TET1: variants seen among roughly 807,000 people sequenced by gnomAD.
TET1 encodes the protein methylcytosine dioxygenase TET1.
TET1 carries 13 observed loss-of-function variants against 148.7 expected under a neutral mutation model. The observed-to-expected ratio is 0.09, with a 90% CI of 0.06 to 0.14. TET1 has a LOEUF of 0.14. TET1 is among the 10% of genes least tolerant of loss of function. The probability of loss-of-function intolerance (pLI) is 1.00; values close to 1 mark genes in which losing one functional copy is unlikely to be tolerated. For synonymous variants in TET1, 907 were observed against 937.2 expected, an observed-to-expected ratio of 0.97 and a Z score of 0.59; for missense variants, 2,182 against 2,553.8, an observed-to-expected ratio of 0.85 and a Z score of 3.14.
chr10:68,659,884 T>C (rs2055080820), intron 6 of TET1, among the ~76,000 whole-genome samples: 1 of 152,192 alleles, frequency 6.6e-6, no homozygotes, highest in African/African-American at 2.4e-5. Context: ...GTGAACTCAG[T>C]CATTAATCCC....
intron 3 of TET1, among the ~76,000 whole-genome samples, chr10:68,605,835 A>G (rs1165938043): frequency 6.6e-6 from 1 of 152,164 alleles, no homozygotes; most frequent in African/African-American, 2.4e-5. Context: ...TTTTATATAT[A>G]CTAGACCAGT....
At chr10:68,588,494 A>T (rs1349214102) in intron 2 of TET1, among the ~76,000 whole-genome samples, 1 of 152,144 alleles carries the variant, frequency 6.6e-6, no homozygotes, top group Non-Finnish European at 1.5e-5. Flanking sequence ...CATTTTAGTC[A>T]CCATATCTCT....
At position 68,686,537 on chromosome 10, in the gene TET1, C is replaced by T. The variant is rs144991411; in HGVS notation, c.5234C>T (p.Thr1745Met). The change falls in exon 11 of 12, where the codon ACG becomes ATG. Residue 1745 changes from threonine (T) to methionine (M), a missense_variant. By Grantham distance (81) the Thr-to-Met change is moderately conservative. Around this residue, in one of 11 missense-constraint regions of TET1, gnomAD observed 380 missense variants for 387.9 expected, o/e 0.98. Transcript: ENST00000373644. Reference sequence around the variant, plus strand: ...CTGGCACCCCGCCGCAAAAAAAGAACGTGTTTCACTCAGCCTGTTCCCCGT... The same window carrying T: ...CTGGCACCCCGCCGCAAAAAAAGAATGTGTTTCACTCAGCCTGTTCCCCGT... ...EVLAPRRKKR[T>M]CFTQPVPRSG... The T allele has an allele frequency of 2.1e-5, 34 of 1,614,126 alleles. No individual in the cohort carries two copies. The highest frequency in any genetic ancestry group is 1.9e-4 in the African/African-American group (14 of 75,026).
chr10:68,581,285 T>A (rs552099865), intron 2 of TET1, among the ~76,000 whole-genome samples: 2 of 152,320 alleles, frequency 1.3e-5, no homozygotes, highest in Admixed American at 6.5e-5. Context: ...TTACAGATAA[T>A]TAAAACTGCT....
chr10:68,667,840 C>A (rs1340324042), intron 7 of TET1, among the ~76,000 whole-genome samples: 2 of 152,016 alleles, frequency 1.3e-5, no homozygotes, highest in African/African-American at 2.4e-5. Context: ...CTTCTAGAGT[C>A]TGGAGGAAAG....
At chr10:68,588,977 G>C (rs1290732962) in intron 2 of TET1, among the ~76,000 whole-genome samples, 1 of 152,012 alleles carries the variant, frequency 6.6e-6, no homozygotes, top group Non-Finnish European at 1.5e-5. Context: ...GCAGGAATTA[G>C]CTGGGCATGG....
At chr10:68,617,538 T>G (rs560017116) in intron 3 of TET1, among the ~76,000 whole-genome samples, 23 of 152,184 alleles carry the variant, frequency 1.5e-4, no homozygotes, top group South Asian at 1.5e-3. Flanking sequence ...TCTTTGTTTT[T>G]TTTGTTTGTT....
At chr10:68,621,030 C>G (rs981536106) in intron 3 of TET1, among the ~76,000 whole-genome samples, 1 of 152,318 alleles carries the variant, frequency 6.6e-6, no homozygotes, top group East Asian at 1.9e-4. Flanking sequence ...GTCCTACACA[C>G]AAGTCCTTTA....
intron 3 of TET1, among the ~76,000 whole-genome samples, chr10:68,613,315 T>C (rs554170785): frequency 2.4e-4 from 36 of 151,984 alleles, no homozygotes; most frequent in Non-Finnish European, 3.2e-4. Flanking sequence ...ACTTGTTCCA[T>C]TTTGTAAAAA....
chr10:68,643,005 C>A (rs2054781758), intron 3 of TET1, among the ~76,000 whole-genome samples: 1 of 151,856 alleles, frequency 6.6e-6, no homozygotes, highest in African/African-American at 2.4e-5. Context: ...TGTCTGTAAC[C>A]CCAGTACTTT....
At chr10:68,625,472 CG>C (rs2054464495) in intron 3 of TET1, among the ~76,000 whole-genome samples, 2 of 152,104 alleles carry the variant, frequency 1.3e-5, no homozygotes, top group Admixed American at 1.3e-4. Context: ...CGCTTAAAAG[CG>C]GGTCACAAAA....
At chr10:68,673,921 ATTTC>A (rs1446062387) in intron 8 of TET1, among the ~76,000 whole-genome samples, 17 of 100,254 alleles carry the variant, frequency 1.7e-4, no homozygotes, top group African/African-American at 6.2e-4. Flanking sequence ...TTTTTATCAG[ATTTC>A]TTTCTTTTTC....
At chr10:68,580,177 C>T (rs2053776590) in intron 2 of TET1, among the ~76,000 whole-genome samples, 1 of 151,870 alleles carries the variant, frequency 6.6e-6, no homozygotes, top group Non-Finnish European at 1.5e-5. Flanking sequence ...ATCCACCCCC[C>T]TTGGCCTCCC....
chr10:68,627,198 A>C (rs1036018097), intron 3 of TET1, among the ~76,000 whole-genome samples: 4 of 152,126 alleles, frequency 2.6e-5, no homozygotes, highest in Non-Finnish European at 5.9e-5. Flanking sequence ...ACCTGAGGTC[A>C]GGAGTTCAAG....
chr10:68,622,285 A>G (rs1203088431), intron 3 of TET1, among the ~76,000 whole-genome samples: 7 of 140,010 alleles, frequency 5.0e-5, no homozygotes, highest in Admixed American at 4.5e-4. Context: ...TCTTTGGACA[A>G]GGCCTTGCTC....
intron 3 of TET1, among the ~76,000 whole-genome samples, chr10:68,610,240 G>A (rs548150844): frequency 4.6e-5 from 7 of 151,780 alleles, no homozygotes; most frequent in Non-Finnish European, 8.8e-5. Flanking sequence ...CTGATATTGC[G>A]CCACTGCACT....
At chr10:68,607,525 G>A (rs915997852) in intron 3 of TET1, among the ~76,000 whole-genome samples, 2 of 151,164 alleles carry the variant, frequency 1.3e-5, no homozygotes, top group African/African-American at 4.9e-5. Flanking sequence ...CTTTGCCTCC[G>A]GGGTTCAAGA....
At chr10:68,612,175 C>T (rs919874772) in intron 3 of TET1, among the ~76,000 whole-genome samples, 1 of 151,214 alleles carries the variant, frequency 6.6e-6, no homozygotes, top group African/African-American at 2.4e-5. Flanking sequence ...CTGCAACCTC[C>T]GCCTCCTGGG....
chr10:68,615,274 CT>C (rs1045332258), intron 3 of TET1, among the ~76,000 whole-genome samples: 4 of 151,826 alleles, frequency 2.6e-5, no homozygotes, highest in Non-Finnish European at 2.9e-5. Context: ...CCTGAGGTTT[CT>C]TTTTTTTCCT....
Sources: allele counts gnomAD v4.1 joint callset (sites outside exome capture counted in the v4.1 genomes callset), GRCh38; gene constraint gnomAD v4.1.1; regional missense constraint gnomAD v4.1.1; transcripts MANE v1.5; gene names NCBI Gene and HGNC (gene_info 2026-07-23, HGNC 2026-07-21).